The following CEP128 variants were observed in gnomAD, a reference collection of about 807,000 sequenced individuals.
CEP128 encodes the protein centrosomal protein 128kDa.
A neutral mutation model predicts 156.7 loss-of-function variants in CEP128; 132 were observed. That is an observed-to-expected ratio of 0.84 (90% confidence interval 0.73 to 0.97). CEP128 has a LOEUF of 0.97. Ranked by LOEUF, CEP128 falls within the 50% of genes least tolerant of loss-of-function variation. The pLI is 0.00. For synonymous variants in CEP128, 469 were observed against 448.9 expected, an observed-to-expected ratio of 1.04 and a Z score of -0.57; for missense variants, 1,252 against 1,281.9, an observed-to-expected ratio of 0.98 and a Z score of 0.36.
At chr14:80,629,089 A>G (rs1378474203) in intron 19 of CEP128, among the ~76,000 whole-genome samples, 1 of 151,840 alleles carries the variant, frequency 6.6e-6, no homozygotes, top group African/African-American at 2.4e-5. Context: ...AACTCACTTC[A>G]ATCAAGATTT....
intron 19 of CEP128, among the ~76,000 whole-genome samples, chr14:80,698,112 A>C (rs1273523462): frequency 6.6e-6 from 1 of 152,074 alleles, no homozygotes; most frequent in Non-Finnish European, 1.5e-5. Context: ...AAAATGTTTT[A>C]GGAATCATTA....
intron 21 of CEP128, among the ~76,000 whole-genome samples, chr14:80,550,052 C>T (rs1233255236): frequency 6.6e-6 from 1 of 152,092 alleles, no homozygotes; most frequent in Non-Finnish European, 1.5e-5. Flanking sequence ...ATGCTTCAGA[C>T]TTCACAGTGT....
At position 80,950,501 on chromosome 14, in the gene CEP128, G is replaced by A. The variant is rs553392121; in HGVS notation, c.-172+7677C>T. Among the ~76,000 whole-genome samples, 16 of 152,240 alleles carry A rather than the reference G, an allele frequency of 1.1e-4. No homozygotes were observed. The East Asian group carries it at 1.9e-3, about 18-fold the overall frequency. ...ATCCATTTTATGAGATAAAAAAGACGTTGGATGGGATTAGTGGCCAATTAA... is the reference window on the plus strand; with the variant it reads ...ATCCATTTTATGAGATAAAAAAGACATTGGATGGGATTAGTGGCCAATTAA... On this transcript the variant is annotated intron_variant, in intron 2 of 7. Transcript: ENST00000555529.
chr14:80,664,112 G>C (rs757523038), intron 19 of CEP128, among the ~76,000 whole-genome samples: 1 of 152,054 alleles, frequency 6.6e-6, no homozygotes, highest in Non-Finnish European at 1.5e-5. Flanking sequence ...CTCACATTGC[G>C]GTTCAGCCTA....
intron 19 of CEP128, among the ~76,000 whole-genome samples, chr14:80,596,908 C>T (rs1892351773): frequency 7.8e-6 from 1 of 128,020 alleles, no homozygotes; most frequent in Non-Finnish European, 1.6e-5. Context: ...ATTTGTAGGA[C>T]AAAGCTGATG....
chr14:80,814,277 T>C (rs913311844), intron 13 of CEP128, among the ~76,000 whole-genome samples: 8 of 152,202 alleles, frequency 5.3e-5, no homozygotes, highest in Admixed American at 5.2e-4. Context: ...CAATTATCTA[T>C]ATCTATATTA....
At chr14:80,650,024 G>T (rs1052555141) in intron 19 of CEP128, among the ~76,000 whole-genome samples, 1 of 152,056 alleles carries the variant, frequency 6.6e-6, no homozygotes, top group African/African-American at 2.4e-5. Flanking sequence ...CCATTTTCAT[G>T]ATATTGATTC....
chr14:80,758,995 T>C (rs1899820355), intron 17 of CEP128, among the ~76,000 whole-genome samples: 1 of 152,164 alleles, frequency 6.6e-6, no homozygotes, highest in Admixed American at 6.5e-5. Flanking sequence ...TAAAACTGAA[T>C]GAATACTCAG....
chr14:80,812,964 G>T (rs1003093556), intron 13 of CEP128, among the ~76,000 whole-genome samples: 1 of 152,158 alleles, frequency 6.6e-6, no homozygotes, highest in African/African-American at 2.4e-5. Flanking sequence ...TTTCTCTAAT[G>T]ATTAGTAATG....
intron 19 of CEP128, among the ~76,000 whole-genome samples, chr14:80,671,875 G>A (rs1458763230): frequency 6.7e-6 from 1 of 149,754 alleles, no homozygotes; most frequent in African/African-American, 2.5e-5. Context: ...GTATGGGGGG[G>A]TGGGGGGTAG....
At chr14:80,780,833 A>G (rs1187003308) in intron 15 of CEP128, among the ~76,000 whole-genome samples, 1 of 152,216 alleles carries the variant, frequency 6.6e-6, no homozygotes, top group African/African-American at 2.4e-5. Context: ...GCTAGACACC[A>G]TAAGAGGATA....
chr14:80,583,369 C>T (rs1290338250), intron 19 of CEP128, among the ~76,000 whole-genome samples: 1 of 151,880 alleles, frequency 6.6e-6, no homozygotes, highest in Non-Finnish European at 1.5e-5. Flanking sequence ...CCTTTGAGAA[C>T]TCCTGTTCCT....
intron 4 of CEP128, among the ~76,000 whole-genome samples, chr14:80,907,642 A>T (rs1883960975): frequency 1.4e-5 from 2 of 139,926 alleles, no homozygotes; most frequent in South Asian, 4.8e-4. Context: ...TGGGCGGCAG[A>T]GCGAGACTCT....
chr14:80,576,305 A>T (rs1891352484), intron 20 of CEP128, among the ~76,000 whole-genome samples: 1 of 152,152 alleles, frequency 6.6e-6, no homozygotes. Context: ...GTTTCAATGT[A>T]TCTCAAACTC....
chr14:80,773,894 C>A (rs932865483), intron 16 of CEP128, among the ~76,000 whole-genome samples: 1 of 152,040 alleles, frequency 6.6e-6, no homozygotes, highest in Non-Finnish European at 1.5e-5. Flanking sequence ...GGAGAAAATT[C>A]TTTCTATAAT....
chr14:80,563,951 C>T (rs1890804572), intron 20 of CEP128, among the ~76,000 whole-genome samples: 1 of 152,090 alleles, frequency 6.6e-6, no homozygotes, highest in Non-Finnish European at 1.5e-5. Flanking sequence ...TGTCTAGATA[C>T]ATAACCTCAG....
At chr14:80,552,871 ATT>A (rs1890266512) in intron 21 of CEP128, among the ~76,000 whole-genome samples, 1 of 151,918 alleles carries the variant, frequency 6.6e-6, no homozygotes, top group South Asian at 2.1e-4. Context: ...TTTATGTTGT[ATT>A]TTTATTTGGT....
At chr14:80,573,670 G>A (rs1326471770) in intron 20 of CEP128, among the ~76,000 whole-genome samples, 1 of 152,142 alleles carries the variant, frequency 6.6e-6, no homozygotes, top group Non-Finnish European at 1.5e-5. Flanking sequence ...CTCTCATGAG[G>A]TCTCTTGATG....
At chr14:80,712,146 A>G (rs1897435687) in intron 19 of CEP128, among the ~76,000 whole-genome samples, 1 of 152,192 alleles carries the variant, frequency 6.6e-6, no homozygotes, top group Non-Finnish European at 1.5e-5. Context: ...CAATATGAAC[A>G]CTAATGTTCG....
Sources: allele counts gnomAD v4.1 joint callset (sites outside exome capture counted in the v4.1 genomes callset), GRCh38; gene constraint gnomAD v4.1.1; transcripts MANE v1.5; gene names NCBI Gene and HGNC (gene_info 2026-07-23, HGNC 2026-07-21).